IRS1: variants seen among roughly 807,000 people sequenced by gnomAD.
The protein encoded by IRS1 is insulin receptor substrate 1.
IRS1 carries 34 observed loss-of-function variants against 65.6 expected under a neutral mutation model. That is an observed-to-expected ratio of 0.52 (90% CI 0.39 to 0.69). The LOEUF (loss-of-function observed/expected upper bound fraction) is 0.69, where lower values mean the gene tolerates loss of function less well. IRS1 is among the 30% of genes least tolerant of loss of function. IRS1 has a pLI of 0.00. For missense variants in IRS1, 1,641 were observed against 1,720.2 expected (o/e 0.95, Z 0.81); for synonymous variants, 699 against 683.5 (o/e 1.02, Z -0.35).
chr2:226,758,932 A>G (rs1559150310), intron 1 of IRS1, among the ~76,000 whole-genome samples: 1 of 152,230 alleles, frequency 6.6e-6, no homozygotes, highest in African/African-American at 2.4e-5. Flanking sequence ...AAATTCCTTT[A>G]GCAAAGATGC....
At chr2:226,741,924 C>A (rs1372123541) in intron 1 of IRS1, among the ~76,000 whole-genome samples, 1 of 151,552 alleles carries the variant, frequency 6.6e-6, no homozygotes, top group Non-Finnish European at 1.5e-5. Context: ...CCATAAAATC[C>A]CACTATAAAA....
rs1180475888 is a variant in IRS1 at position 226,794,805 on chromosome 2, ATGTT to A, written c.*21+180_*21+183del. 6.6e-6 allele frequency among the ~76,000 whole-genome samples: 1 copy of A among 152,062 alleles called. No homozygotes were observed. Among genetic ancestry groups the A allele is most frequent in the East Asian group, 1.9e-4 (1 of 5,190 alleles). Reference sequence around the variant, plus strand: ...AAAGCCCTCCTGTGGCTGCTCCTACATGTTTGTTTGACTCTCTGCCAGATGTCAG... The same window carrying A: ...AAAGCCCTCCTGTGGCTGCTCCTACATGTTTGACTCTCTGCCAGATGTCAG... On this transcript the variant is annotated intron_variant, in intron 1 of 1. Transcript: ENST00000305123. This position sits in a 1 kb window ranked among gnomAD's most constrained non-coding sequence, Gnocchi z 4.1.
intron 1 of IRS1, among the ~76,000 whole-genome samples, chr2:226,765,067 T>C (rs961764128): frequency 1.3e-5 from 2 of 152,240 alleles, no homozygotes; most frequent in Non-Finnish European, 2.9e-5. Flanking sequence ...ACACTATAGC[T>C]TCACCAATTC....
Position 226,798,770 on chromosome 2 carries a change from G to C in IRS1, c.-32C>G. On this transcript the variant is annotated 5_prime_UTR_variant, in exon 1 of 2. Coordinates refer to ENST00000305123, the MANE Select transcript of IRS1 (RefSeq NM_005544.3). The surrounding 1 kb of genome is among the most constrained non-coding windows in gnomAD (Gnocchi z 9.4). ...ACCGCCACCACCAACGCTGAGCAGA[G>C]GGAGGCTCCGAAAAACAACCGGGTG... is the stretch of plus-strand genomic sequence containing the variant. The C allele has an allele frequency of 6.3e-7, 1 of 1,595,182 alleles. No homozygotes were observed. Among genetic ancestry groups the C allele is most frequent in the Non-Finnish European group, 8.5e-7 (1 of 1,171,586 alleles).
intron 1 of IRS1, among the ~76,000 whole-genome samples, chr2:226,788,387 G>A (rs933105865): frequency 3.3e-5 from 5 of 152,034 alleles, no homozygotes; most frequent in African/African-American, 1.2e-4. Context: ...TACAGAAAAA[G>A]GGTCAAAAAG....
Position 226,798,505 on chromosome 2 carries a change from G to C in IRS1, c.234C>G (p.Ser78=), listed in dbSNP as rs1559160216. 1.9e-6 allele frequency: 3 copies of C among 1,614,114 alleles called. No individual in the cohort carries two copies. The highest frequency in any genetic ancestry group is 2.5e-6 in the Non-Finnish European group (3 of 1,180,030). ...AGAGAGCCACCAGGTGCTTGTTCTT[G>C]GAGTCAGCCCGCTTGTTGATGTTGA... ...SCFNINKRAD[S]KNKHLVALYT... The change falls in exon 1 of 2, where the codon TCC becomes TCG. Residue 78 remains serine (S), a synonymous_variant. Coordinates refer to ENST00000305123, the MANE Select transcript of IRS1 (RefSeq NM_005544.3). The surrounding 1 kb of genome is among the most constrained non-coding windows in gnomAD (Gnocchi z 9.4).
At chr2:226,749,811 A>G (rs983036601) in intron 1 of IRS1, among the ~76,000 whole-genome samples, 2 of 152,182 alleles carry the variant, frequency 1.3e-5, no homozygotes, top group Non-Finnish European at 2.9e-5. Context: ...TAACTGCCCT[A>G]TTCTCATTTC....
chr2:226,799,505 G>T lies in IRS1; in HGVS notation c.-767C>A. ...GGGCAGCCACTGCAGCTGGGGACCG[G>T]CCGGAGGGACAGACTCATCCCTGCC... On this transcript the variant is annotated 5_prime_UTR_variant, in exon 1 of 2. Transcript: ENST00000305123. This position sits in a 1 kb window ranked among gnomAD's most constrained non-coding sequence, Gnocchi z 6.1. The T allele has an allele frequency of 8.8e-7, 1 of 1,137,182 alleles. No individual in the cohort carries two copies. Among genetic ancestry groups the T allele is most frequent in the Non-Finnish European group, 1.1e-6 (1 of 906,886 alleles). The allele number at this position is 1,137,182 out of a possible 1,614,324, so 70.4% of individuals were successfully genotyped here.
intron 1 of IRS1, among the ~76,000 whole-genome samples, chr2:226,766,140 TATA>T (rs1939032947): frequency 2.4e-4 from 1 of 4,246 alleles, no homozygotes; most frequent in African/African-American, 5.7e-4. Flanking sequence ...TATATATATA[TATA>T]TATATATATA....
chr2:226,774,450 T>G (rs1939229262), intron 1 of IRS1, among the ~76,000 whole-genome samples: 2 of 152,100 alleles, frequency 1.3e-5, no homozygotes, highest in African/African-American at 4.8e-5. Flanking sequence ...AATGTCCAAC[T>G]ATGTCCAGTG....
rs1214671350 is a variant in IRS1, at chr2:226,785,679, GATC to G, written c.*21+9307_*21+9309del. On this transcript the variant is annotated intron_variant, in intron 1 of 1. Transcript: ENST00000305123. ...TGAACATTTCCAACTTGAAAAACCA[GATC>G]ATTTTTTAACCTATGCTTTTCCCCT... Among the ~76,000 whole-genome samples the G allele has an allele frequency of 2.0e-5, 3 of 152,220 alleles. No individual in the cohort carries two copies. The East Asian group carries it at 5.8e-4, about 29-fold the overall frequency.
chr2:226,775,529 T>C (rs2106174002), intron 1 of IRS1, among the ~76,000 whole-genome samples: 1 of 152,332 alleles, frequency 6.6e-6, no homozygotes, highest in Non-Finnish European at 1.5e-5. Context: ...GATGGTTACA[T>C]ATAGAAATAT....
chr2:226,734,874 C>T lies in IRS1; in HGVS notation c.*1398G>A, dbSNP rs1304843148. 2 of 152,162 alleles carry T rather than the reference C, an allele frequency of 1.3e-5. No homozygotes were observed. The highest frequency in any genetic ancestry group is 2.9e-5 in the Non-Finnish European group (2 of 68,036). The allele number at this position is 152,162 out of a possible 1,614,324, so 9.4% of individuals were successfully genotyped here. On this transcript the variant is annotated 3_prime_UTR_variant, in exon 2 of 2. Coordinates refer to ENST00000305123, the MANE Select transcript of IRS1 (RefSeq NM_005544.3). Reference sequence around the variant, plus strand: ...CTGGCTAGGTGTTTCAGTAGCAGGTCATTAAGCTTTTCTGTGCTCTCTGTA... The same window carrying T: ...CTGGCTAGGTGTTTCAGTAGCAGGTTATTAAGCTTTTCTGTGCTCTCTGTA...
At position 226,786,644 on chromosome 2, in the gene IRS1, A is replaced by AAC. The variant is rs202109179; in HGVS notation, c.*21+8344_*21+8345insGT. 8.1e-3 allele frequency among the ~76,000 whole-genome samples: 1,232 copies of AAC among 151,352 alleles called. 27 individuals carry two copies. Among genetic ancestry groups the AAC allele is most frequent in the African/African-American group, 0.028 (1,167 of 41,322 alleles). On this transcript the variant is annotated intron_variant, in intron 1 of 1. Coordinates refer to ENST00000305123, the MANE Select transcript of IRS1 (RefSeq NM_005544.3). The stretch of plus-strand genomic sequence containing the variant: ...TATTTTTCACTCTCTACCTTAAAAA[A>AAC]AAAAAAACAAAAACAACAACAACAA...
At chr2:226,786,182 T>G (rs1052357337) in intron 1 of IRS1, among the ~76,000 whole-genome samples, 3 of 150,444 alleles carry the variant, frequency 2.0e-5, no homozygotes, top group Admixed American at 6.7e-5. Flanking sequence ...TTTGCTATCG[T>G]GAATAGTGCC....
intron 1 of IRS1, among the ~76,000 whole-genome samples, chr2:226,766,989 T>C (rs1298741686): frequency 6.6e-6 from 1 of 151,678 alleles, no homozygotes; most frequent in African/African-American, 2.4e-5. Context: ...TCAGCCAACA[T>C]AATTTTCCAG....
At chr2:226,768,735 C>T (rs999731244) in intron 1 of IRS1, among the ~76,000 whole-genome samples, 3 of 152,190 alleles carry the variant, frequency 2.0e-5, no homozygotes, top group Non-Finnish European at 4.4e-5. Context: ...CTCCTGGGCT[C>T]AAGCAATTCT....
At chr2:226,776,215 G>A (rs1166000136) in intron 1 of IRS1, among the ~76,000 whole-genome samples, 1 of 152,096 alleles carries the variant, frequency 6.6e-6, no homozygotes, top group Admixed American at 6.5e-5. Flanking sequence ...GCTAAAGCTG[G>A]AACAATTTGA....
Position 226,795,404 on chromosome 2 carries a change from C to G in IRS1, c.3335G>C (p.Arg1112Pro). ...TCCAAAGGGCACTGTGTTGCCCACCCGGGTGGCACTGGGTGTTGAGGAGAA... is the reference window on the plus strand; with the variant it reads ...TCCAAAGGGCACTGTGTTGCCCACCGGGGTGGCACTGGGTGTTGAGGAGAA... ...ETFSSTPSAT[R>P]VGNTVPFGAG... Residue 1112 changes from arginine (R) to proline (P), a missense_variant, in exon 1 of 2, where the codon CGG becomes CCG. Transcript: ENST00000305123. 6.2e-7 allele frequency: 1 copy of G among 1,613,438 alleles called. No homozygotes were observed. Among genetic ancestry groups the G allele is most frequent in the Non-Finnish European group, 8.5e-7 (1 of 1,180,006 alleles).
Sources: gnomAD v4.1 joint callset for allele counts (sites outside exome capture counted in the v4.1 genomes callset) on GRCh38, gnomAD v4.1.1 for gene constraint, Gnocchi (gnomAD v3.1) non-coding constraint, MANE v1.5 for transcripts, NCBI Gene and HGNC (gene_info 2026-07-23, HGNC 2026-07-21) for gene names.